Variants in CEP128 observed in about 807,000 individuals in gnomAD.
The protein encoded by CEP128 is centrosomal protein 128.
CEP128 carries 132 observed loss-of-function variants against 156.7 expected under a neutral mutation model. That is an observed-to-expected ratio of 0.84 (90% CI 0.73 to 0.97). The LOEUF is 0.97. Ranked by LOEUF, CEP128 falls within the 50% of genes least tolerant of loss-of-function variation. The probability of loss-of-function intolerance (pLI) is 0.00; values close to 1 mark genes in which losing one functional copy is unlikely to be tolerated. For synonymous variants in CEP128, 469 were observed against 448.9 expected, an observed-to-expected ratio of 1.04 and a Z score of -0.57; for missense variants, 1,252 against 1,281.9, an observed-to-expected ratio of 0.98 and a Z score of 0.36.
intron 11 of CEP128, among the ~76,000 whole-genome samples, chr14:80,837,773 G>A (rs1188285635): frequency 6.6e-6 from 1 of 152,176 alleles, no homozygotes; most frequent in Non-Finnish European, 1.5e-5. Context: ...GTAGTATCTT[G>A]AAAACATGAA....
At chr14:80,879,309 A>C (rs1888422400) in intron 8 of CEP128, among the ~76,000 whole-genome samples, 1 of 152,198 alleles carries the variant, frequency 6.6e-6, no homozygotes, top group African/African-American at 2.4e-5. Flanking sequence ...ATATGACACC[A>C]CCAAAGGACC....
intron 13 of CEP128, among the ~76,000 whole-genome samples, chr14:80,793,683 G>A (rs1242512746): frequency 6.6e-6 from 1 of 152,100 alleles, no homozygotes; most frequent in Admixed American, 6.5e-5. Flanking sequence ...ATCTCAAGCT[G>A]ATATGAATCA....
chr14:80,729,835 AT>A (rs531044967), intron 19 of CEP128, among the ~76,000 whole-genome samples: 31 of 152,326 alleles, frequency 2.0e-4, no homozygotes, highest in African/African-American at 5.5e-4. Flanking sequence ...AAACACCATT[AT>A]GATAAACACA....
At chr14:80,601,138 T>C (rs964066426) in intron 19 of CEP128, among the ~76,000 whole-genome samples, 1 of 152,010 alleles carries the variant, frequency 6.6e-6, no homozygotes, top group African/African-American at 2.4e-5. Context: ...TACCTAAATA[T>C]GTATTTAACA....
chr14:80,761,751 A>T (rs1038867801), intron 16 of CEP128, 138 bp from the exon 17 acceptor site: 8 of 531,916 alleles, frequency 1.5e-5, no homozygotes, highest in African/African-American at 3.8e-5. Flanking sequence ...TTACCAAAAT[A>T]AAAACACTTT....
At chr14:80,946,222 ATGAC>A (rs1051692289), upstream of CEP128, among the ~76,000 whole-genome samples, 25 of 152,242 alleles carry the variant, frequency 1.6e-4, no homozygotes, top group Non-Finnish European at 3.5e-4. Flanking sequence ...GACAAATACT[ATGAC>A]ATCCTAAAAA....
intron 19 of CEP128, among the ~76,000 whole-genome samples, chr14:80,672,601 G>A (rs1895888974): frequency 6.6e-6 from 1 of 152,010 alleles, no homozygotes; most frequent in South Asian, 2.1e-4. Flanking sequence ...CACTTTTCTA[G>A]GTCCCTTGAT....
chr14:80,880,692 TAA>T (rs372579820), intron 8 of CEP128, among the ~76,000 whole-genome samples: 52 of 142,878 alleles, frequency 3.6e-4, no homozygotes, highest in Admixed American at 1.1e-3. Context: ...CCCTCTCTAC[TAA>T]AAAAAAAAAA....
intron 19 of CEP128, among the ~76,000 whole-genome samples, chr14:80,642,532 G>C (rs1894460740): frequency 6.6e-6 from 1 of 151,910 alleles, no homozygotes; most frequent in Non-Finnish European, 1.5e-5. Flanking sequence ...AAAATAAAAA[G>C]GCTAGCCAGG....
intron 21 of CEP128, among the ~76,000 whole-genome samples, chr14:80,533,585 G>T (rs541725954): frequency 6.6e-6 from 1 of 152,010 alleles, no homozygotes; most frequent in Non-Finnish European, 1.5e-5. Flanking sequence ...TATTCAAACG[G>T]CTATGTTTTT....
chr14:80,866,912 T>A (rs965051501), intron 8 of CEP128, among the ~76,000 whole-genome samples: 4 of 152,222 alleles, frequency 2.6e-5, no homozygotes, highest in Non-Finnish European at 5.9e-5. Flanking sequence ...CCCCAGCAGA[T>A]GCCTGAAACC....
At chr14:80,572,061 CT>C (rs1477762572) in intron 20 of CEP128, among the ~76,000 whole-genome samples, 1 of 152,180 alleles carries the variant, frequency 6.6e-6, no homozygotes, top group Admixed American at 6.5e-5. Flanking sequence ...GACTTTTTCC[CT>C]CTCCTTTGAC....
chr14:80,857,741 A>C (rs146313530), intron 9 of CEP128, among the ~76,000 whole-genome samples: 7,210 of 138,326 alleles, frequency 0.052, 236 homozygotes, highest in Middle Eastern at 0.066. Flanking sequence ...TCTCAAAAAA[A>C]AACAACAACA....
downstream of CEP128, among the ~76,000 whole-genome samples, chr14:80,495,313 T>C (rs1887455904): frequency 6.6e-6 from 1 of 152,140 alleles, no homozygotes; most frequent in Admixed American, 6.5e-5. Context: ...ATTTCCAACT[T>C]AAGGGTAGGG....
intron 7 of CEP128, among the ~76,000 whole-genome samples, chr14:80,896,085 G>A (rs1555360913): frequency 6.6e-6 from 1 of 152,212 alleles, no homozygotes; most frequent in South Asian, 2.1e-4. Flanking sequence ...TTTGAGAACC[G>A]CTGCTACGCT....
At chr14:80,591,713 G>A (rs1317638181) in intron 19 of CEP128, among the ~76,000 whole-genome samples, 1 of 152,132 alleles carries the variant, frequency 6.6e-6, no homozygotes, top group Non-Finnish European at 1.5e-5. Flanking sequence ...ATTCTTCTTA[G>A]TACCACATCA....
chr14:80,662,714 C>G (rs1895451939), intron 19 of CEP128, among the ~76,000 whole-genome samples: 1 of 152,006 alleles, frequency 6.6e-6, no homozygotes, highest in Admixed American at 6.6e-5. Context: ...TTTTTTAAAA[C>G]TGAAGGAGGA....
chr14:80,583,283 G>C (rs1212558194), intron 19 of CEP128, among the ~76,000 whole-genome samples: 1 of 152,046 alleles, frequency 6.6e-6, no homozygotes, highest in African/African-American at 2.4e-5. Flanking sequence ...CTCCCTGACT[G>C]ACCATCTTGT....
intron 19 of CEP128, among the ~76,000 whole-genome samples, chr14:80,670,759 A>T (rs1895807223): frequency 6.6e-6 from 1 of 152,148 alleles, no homozygotes; most frequent in South Asian, 2.1e-4. Context: ...TGTACTTATA[A>T]ATTTACGTAC....
Sources: allele counts gnomAD v4.1 joint callset (sites outside exome capture counted in the v4.1 genomes callset), GRCh38; gene constraint gnomAD v4.1.1; transcripts MANE v1.5; gene names NCBI Gene and HGNC (gene_info 2026-07-23, HGNC 2026-07-21).